The following ASRGL1 variants were observed in gnomAD, a reference collection of about 807,000 sequenced individuals.
ASRGL1 encodes the protein asparaginase and isoaspartyl peptidase 1.
In ASRGL1, 16 loss-of-function variants were observed where a neutral mutation model predicts 22.4. That is an observed-to-expected ratio of 0.71 (90% CI 0.48 to 1.08). ASRGL1 has a LOEUF of 1.08. Among genes scored for constraint, ASRGL1 ranks in the 50% least tolerant of loss-of-function variants. The pLI is 0.00. For synonymous variants in ASRGL1, 165 were observed against 159.3 expected, an observed-to-expected ratio of 1.04 and a Z score of -0.27; for missense variants, 412 against 410.1, an observed-to-expected ratio of 1.00 and a Z score of -0.04.
At chr11:62,396,960 C>T (rs1947439053), downstream of ASRGL1, among the ~76,000 whole-genome samples, 2 of 152,188 alleles carry the variant, frequency 1.3e-5, no homozygotes, top group African/African-American at 2.4e-5. Context: ...TCTCAGCAGC[C>T]ACCGGCCTCA....
At chr11:62,379,093 A>G (rs915600677) in intron 4 of ASRGL1, among the ~76,000 whole-genome samples, 1 of 152,140 alleles carries the variant, frequency 6.6e-6, no homozygotes, top group Non-Finnish European at 1.5e-5. Context: ...AGATGAAGTA[A>G]TCATTGGTTG....
At chr11:62,369,815 G>A (rs1314581884) in intron 4 of ASRGL1, among the ~76,000 whole-genome samples, 1 of 152,110 alleles carries the variant, frequency 6.6e-6, no homozygotes, top group Non-Finnish European at 1.5e-5. Flanking sequence ...TTATAAACTC[G>A]GGGTGTAATA....
chr11:62,342,164 A>G (rs1190255282), intron 2 of ASRGL1, among the ~76,000 whole-genome samples: 1 of 152,162 alleles, frequency 6.6e-6, no homozygotes, highest in East Asian at 1.9e-4. Flanking sequence ...GCAACTTAGA[A>G]TTTTTTAAAA....
chr11:62,345,355 A>G (rs1477577140), intron 2 of ASRGL1, among the ~76,000 whole-genome samples: 1 of 151,630 alleles, frequency 6.6e-6, no homozygotes, highest in African/African-American at 2.4e-5. Context: ...TGCAACCTCC[A>G]CCTCCCGAGT....
chr11:62,401,148 T>C, the ASRGL1 span, among the ~76,000 whole-genome samples: 1 of 152,242 alleles, frequency 6.6e-6, no homozygotes, highest in Non-Finnish European at 1.5e-5. Context: ...ATTAACCCTC[T>C]GTAACTTTCC....
At chr11:62,344,128 C>T (rs1262850908) in intron 2 of ASRGL1, among the ~76,000 whole-genome samples, 2 of 151,994 alleles carry the variant, frequency 1.3e-5, no homozygotes, top group South Asian at 4.2e-4. Context: ...GAACTCCTGA[C>T]CTCGTGATCC....
chr11:62,348,706 G>GA (rs145352663), intron 2 of ASRGL1, among the ~76,000 whole-genome samples: 20 of 145,574 alleles, frequency 1.4e-4, no homozygotes, highest in South Asian at 2.2e-4. Context: ...CCTCCTCAAA[G>GA]AAAAAAAAAA....
At chr11:62,383,034 A>G (rs1372561960) in intron 4 of ASRGL1, 1 of 152,224 alleles carries the variant, frequency 6.6e-6, no homozygotes. Context: ...AGAGTCTCTT[A>G]TGTCTACTTC....
chr11:62,384,080 G>A (rs146025289), intron 4 of ASRGL1, among the ~76,000 whole-genome samples: 149 of 151,456 alleles, frequency 9.8e-4, no homozygotes, highest in East Asian at 3.7e-3. Context: ...ATCACCAGCC[G>A]ATTAACAAAT....
chr11:62,389,089 T>G, intron 4 of ASRGL1, 44 bp from the exon 5 acceptor site: 1 of 1,522,858 alleles, frequency 6.6e-7, no homozygotes, highest in South Asian at 1.1e-5. Flanking sequence ...TGGTGTTCAT[T>G]CTCATTTTCA....
intron 1 of ASRGL1, 149 bp downstream of exon 1, chr11:62,337,723 C>G (rs1042637658): frequency 3.4e-5 from 11 of 325,306 alleles, no homozygotes; most frequent in Non-Finnish European, 1.0e-5. Context: ...GGGTTAACGT[C>G]CCCGGGGAAA....
Position 62,349,904 on chromosome 11 carries a change from G to A in ASRGL1, c.191-6421G>A, listed in dbSNP as rs370850466. ...GGGAACTTCCTGACGTTGTCATGGCGTTTGTAAGCTGTCACGGTGGGAGTG... is the reference window on the plus strand; with the variant it reads ...GGGAACTTCCTGACGTTGTCATGGCATTTGTAAGCTGTCACGGTGGGAGTG... On this transcript the variant is annotated intron_variant, in intron 2 of 6. Transcript: ENST00000415229. Among the ~76,000 whole-genome samples the A allele has an allele frequency of 1.6e-4, 24 of 152,248 alleles. 1 individual carries two copies. The South Asian group carries it at 3.9e-3, about 25-fold the overall frequency.
chr11:62,372,150 C>G, intron 4 of ASRGL1: 2 of 879,514 alleles, frequency 2.3e-6, no homozygotes, highest in Non-Finnish European at 3.9e-6. Flanking sequence ...AATGAGAAGG[C>G]GCAGCTGGGA....
At chr11:62,352,510 G>A (rs966347832) in intron 2 of ASRGL1, among the ~76,000 whole-genome samples, 3 of 151,250 alleles carry the variant, frequency 2.0e-5, no homozygotes, top group Admixed American at 2.0e-4. Context: ...CTTCAACCCA[G>A]GAGGCAGATG....
At chr11:62,397,959 C>T (rs1314156160), downstream of ASRGL1, among the ~76,000 whole-genome samples, 3 of 152,012 alleles carry the variant, frequency 2.0e-5, no homozygotes, top group Non-Finnish European at 4.4e-5. Context: ...GCACTGCTTG[C>T]TGGGTAGTTA....
intron 4 of ASRGL1, among the ~76,000 whole-genome samples, chr11:62,368,270 T>A (rs970655717): frequency 2.6e-5 from 4 of 152,120 alleles, no homozygotes; most frequent in African/African-American, 9.7e-5. Flanking sequence ...AGTGTTGAGG[T>A]CAGTGCTAGC....
In ASRGL1 at chr11:62,391,514, T is replaced by C; in HGVS notation, c.611-8T>C. On this transcript the variant is annotated splice_polypyrimidine_tract_variant and splice_region_variant and intron_variant, in intron 5 of 6. Coordinates refer to ENST00000415229, the MANE Select transcript of ASRGL1 (RefSeq NM_001083926.2). ...TTACTGCTCAGAACAATCACCCTTT[T>C]TGAGCAGGAGCTGGAGGTTATGCCG... 6.2e-7 allele frequency: 1 copy of C among 1,606,510 alleles called. No homozygotes were observed. The highest frequency in any genetic ancestry group is 8.5e-7 in the Non-Finnish European group (1 of 1,176,130).
chr11:62,399,398 C>A, the ASRGL1 span, among the ~76,000 whole-genome samples: 3 of 152,188 alleles, frequency 2.0e-5, no homozygotes, highest in Admixed American at 1.3e-4. Flanking sequence ...GATTGCAGAT[C>A]TTCTGCTGTT....
rs542434692 is a variant in ASRGL1, at chr11:62,389,800, G to A, written c.610+549G>A. ...GCTGGGGGGCTGTATGTTTCACTCC[G>A]TGCAGACTTTCACACTTGTCATGCA... On this transcript the variant is annotated intron_variant, in intron 5 of 6. Transcript: ENST00000415229. 6 of 193,978 alleles carry A rather than the reference G, an allele frequency of 3.1e-5. No homozygotes were observed. The East Asian group carries it at 4.4e-4, about 14-fold the overall frequency. 12.0% of individuals were successfully genotyped at this position (193,978 alleles called of 1,614,324 possible). A position where few individuals can be genotyped will look rare whatever the true frequency, so the allele number is the denominator to read the frequency against.
Sources: gnomAD v4.1 joint callset for allele counts (sites outside exome capture counted in the v4.1 genomes callset) on GRCh38, gnomAD v4.1.1 for gene constraint, MANE v1.5 for transcripts, NCBI Gene and HGNC (gene_info 2026-07-23, HGNC 2026-07-21) for gene names.